The following OLFM3 variants were observed in gnomAD, a reference collection of about 807,000 sequenced individuals.
OLFM3 encodes the protein noelin-3.
A neutral mutation model predicts 48.6 loss-of-function variants in OLFM3; 20 were observed. That is an observed-to-expected ratio of 0.41 (90% CI 0.29 to 0.60). The LOEUF is 0.60. OLFM3 is among the 20% of genes least tolerant of loss of function. OLFM3 has a pLI of 0.28. For synonymous variants in OLFM3, 222 were observed against 198.1 expected, an observed-to-expected ratio of 1.12 and a Z score of -1.01; for missense variants, 437 against 544.3, an observed-to-expected ratio of 0.80 and a Z score of 1.96.
intron 1 of OLFM3, among the ~76,000 whole-genome samples, chr1:101,986,406 C>A (rs1661240854): frequency 6.6e-6 from 1 of 152,214 alleles, no homozygotes; most frequent in African/African-American, 2.4e-5. Context: ...CAGGGCCATA[C>A]AACTAGATAA....
At chr1:101,840,140 T>G (rs944120606) in intron 1 of OLFM3, among the ~76,000 whole-genome samples, 1 of 152,186 alleles carries the variant, frequency 6.6e-6, no homozygotes, top group Non-Finnish European at 1.5e-5. Context: ...AAGGACGTAT[T>G]TAGAAGTTTT....
intron 1 of OLFM3, among the ~76,000 whole-genome samples, chr1:101,862,993 GTT>G (rs5776596): frequency 2.8e-3 from 404 of 142,492 alleles, no homozygotes; most frequent in African/African-American, 3.7e-3. Context: ...TATGTAATTA[GTT>G]TTTTTTTTTT....
intron 1 of OLFM3, among the ~76,000 whole-genome samples, chr1:101,937,788 A>T (rs965881151): frequency 6.6e-6 from 1 of 152,200 alleles, no homozygotes; most frequent in Non-Finnish European, 1.5e-5. Flanking sequence ...ATACTTTCTT[A>T]TCAAAGGTAT....
At chr1:101,914,759 G>A (rs1321082028) in intron 1 of OLFM3, among the ~76,000 whole-genome samples, 1 of 152,118 alleles carries the variant, frequency 6.6e-6, no homozygotes, top group Non-Finnish European at 1.5e-5. Flanking sequence ...TGTTGTAATG[G>A]TCAAAACAAT....
At chr1:101,932,974 T>C (rs1659489120) in intron 1 of OLFM3, among the ~76,000 whole-genome samples, 1 of 151,674 alleles carries the variant, frequency 6.6e-6, no homozygotes, top group Non-Finnish European at 1.5e-5. Flanking sequence ...GAGGCTGAGG[T>C]GGGCAGATCA....
intron 1 of OLFM3, among the ~76,000 whole-genome samples, chr1:101,913,615 T>G (rs765465373): frequency 1.3e-5 from 2 of 151,780 alleles, no homozygotes; most frequent in Non-Finnish European, 2.9e-5. Context: ...GAAGATAATG[T>G]CAGAATGATC....
intron 1 of OLFM3, among the ~76,000 whole-genome samples, chr1:101,886,207 C>T (rs1657753501): frequency 6.6e-6 from 1 of 151,634 alleles, no homozygotes; most frequent in Non-Finnish European, 1.5e-5. Context: ...CCCACAACCA[C>T]CCAAGATTTG....
chr1:101,935,657 G>A (rs1428686908), intron 1 of OLFM3, among the ~76,000 whole-genome samples: 1 of 151,974 alleles, frequency 6.6e-6, no homozygotes, highest in Non-Finnish European at 1.5e-5. Context: ...CCAAAACCTG[G>A]CAGAGATGCA....
At chr1:101,948,344 T>G (rs2101067513) in intron 1 of OLFM3, among the ~76,000 whole-genome samples, 1 of 152,292 alleles carries the variant, frequency 6.6e-6, no homozygotes, top group Non-Finnish European at 1.5e-5. Context: ...ATGAGTTTTC[T>G]TCCCATTCTT....
At chr1:101,982,512 C>G (rs992589473) in intron 1 of OLFM3, among the ~76,000 whole-genome samples, 3 of 151,980 alleles carry the variant, frequency 2.0e-5, no homozygotes, top group Non-Finnish European at 4.4e-5. Context: ...CTATGGAGTT[C>G]CCAGATATTT....
At chr1:101,924,110 T>C (rs1387604602) in intron 1 of OLFM3, among the ~76,000 whole-genome samples, 2 of 152,160 alleles carry the variant, frequency 1.3e-5, no homozygotes, top group Non-Finnish European at 2.9e-5. Flanking sequence ...TCAGTGAAAA[T>C]GCTTTCATTG....
In OLFM3 at chr1:101,889,423, GT is replaced by G. The variant is rs377331302; in HGVS notation, c.70-52399del. Among the ~76,000 whole-genome samples the G allele has an allele frequency of 1.4e-3, 214 of 152,208 alleles. No individual in the cohort carries two copies. The South Asian group carries it at 0.024, about 17-fold the overall frequency. On this transcript the variant is annotated intron_variant, in intron 1 of 5. Transcript: ENST00000370103. ...AAGGACAGAAAGCGAAACACCGCATGTTTTCATTTATAGGTGGGAATTGAAC... is the reference window on the plus strand; with the variant it reads ...AAGGACAGAAAGCGAAACACCGCATGTTTCATTTATAGGTGGGAATTGAAC...
intron 1 of OLFM3, among the ~76,000 whole-genome samples, chr1:101,891,347 A>T (rs535578370): frequency 6.6e-6 from 1 of 152,114 alleles, no homozygotes; most frequent in South Asian, 2.1e-4. Flanking sequence ...TTTGAAAGAA[A>T]TAATAGCGTA....
chr1:101,913,332 C>T (rs948469418), intron 1 of OLFM3, among the ~76,000 whole-genome samples: 3 of 152,154 alleles, frequency 2.0e-5, no homozygotes, highest in South Asian at 2.1e-4. Flanking sequence ...GGGACTTGAA[C>T]GCCCTCAACA....
chr1:101,978,769 TTTCA>T (rs1661022855), intron 1 of OLFM3, among the ~76,000 whole-genome samples: 2 of 152,300 alleles, frequency 1.3e-5, no homozygotes, highest in Admixed American at 6.5e-5. Context: ...TATGCGCTCC[TTTCA>T]TTCTATTATA....
chr1:101,842,508 T>C (rs1011710203), intron 1 of OLFM3, among the ~76,000 whole-genome samples: 1 of 152,156 alleles, frequency 6.6e-6, no homozygotes, highest in Middle Eastern at 3.2e-3. Flanking sequence ...GATAGTGCCA[T>C]GGCACTACAG....
chr1:101,967,313 A>ACC (rs1553184047), intron 1 of OLFM3, among the ~76,000 whole-genome samples: 15 of 151,448 alleles, frequency 9.9e-5, no homozygotes, highest in Admixed American at 2.6e-4. Flanking sequence ...AACAAAAAAA[A>ACC]CAAATACCAT....
intron 1 of OLFM3, among the ~76,000 whole-genome samples, chr1:101,922,590 T>A (rs1659131304): frequency 6.6e-6 from 1 of 152,182 alleles, no homozygotes; most frequent in Admixed American, 6.6e-5. Flanking sequence ...TCATCCTTCC[T>A]ATGGATTAAG....
chr1:101,858,396 T>G (rs182758576), intron 1 of OLFM3, among the ~76,000 whole-genome samples: 28 of 152,088 alleles, frequency 1.8e-4, no homozygotes, highest in Admixed American at 5.2e-4. Flanking sequence ...CTAATGCAAT[T>G]AACTCTGACT....
Sources: gnomAD v4.1 joint callset for allele counts (sites outside exome capture counted in the v4.1 genomes callset) on GRCh38, gnomAD v4.1.1 for gene constraint, MANE v1.5 for transcripts, NCBI Gene and HGNC (gene_info 2026-07-23, HGNC 2026-07-21) for gene names.